KCTD8: variants seen among roughly 807,000 people sequenced by gnomAD.
KCTD8 encodes potassium channel tetramerization domain containing 8.
A neutral mutation model predicts 31.5 loss-of-function variants in KCTD8; 27 were observed. The observed-to-expected ratio is 0.86, with a 90% CI of 0.63 to 1.18. The LOEUF (loss-of-function observed/expected upper bound fraction) is 1.18, where lower values mean the gene tolerates loss of function less well. Among genes scored for constraint, KCTD8 ranks in the 50% most tolerant of loss-of-function variants. The probability of loss-of-function intolerance (pLI) is 0.00; values close to 1 mark genes in which losing one functional copy is unlikely to be tolerated. For synonymous variants in KCTD8, 290 were observed against 280.0 expected (o/e 1.04, Z -0.36); for missense variants, 658 against 647.7 (o/e 1.02, Z -0.17).
chr4:44,295,301 TA>T (rs887397866), intron 1 of KCTD8, among the ~76,000 whole-genome samples: 3 of 151,900 alleles, frequency 2.0e-5, no homozygotes, highest in Non-Finnish European at 4.4e-5. Flanking sequence ...TCTCAAAAAA[TA>T]AAAATAAAAA....
At chr4:44,376,901 T>C (rs1409280255) in intron 1 of KCTD8, among the ~76,000 whole-genome samples, 2 of 152,148 alleles carry the variant, frequency 1.3e-5, no homozygotes, top group Admixed American at 6.5e-5. Context: ...TGGAAAGATG[T>C]AGAATATCTG....
chr4:44,266,671 T>G (rs201480718), intron 1 of KCTD8, among the ~76,000 whole-genome samples: 79,076 of 147,674 alleles, frequency 0.54, 21,660 homozygotes, highest in African/African-American at 0.71. Context: ...GAGACACACA[T>G]AGGCTCAAAA....
At position 44,286,534 on chromosome 4, in the gene KCTD8, A is replaced by G. The variant is rs775384744; in HGVS notation, c.962-111284T>C. ...CACCACCTTGTTTCTCACTTATACA[A>G]ATGCAATAGTCTCCTAACAGATAAG... On this transcript the variant is annotated intron_variant, in intron 1 of 1. Coordinates refer to ENST00000360029, the MANE Select transcript of KCTD8 (RefSeq NM_198353.3). 2.0e-5 allele frequency among the ~76,000 whole-genome samples: 3 copies of G among 152,114 alleles called. No individual in the cohort carries two copies. The South Asian group carries it at 6.2e-4, about 31-fold the overall frequency.
At chr4:44,182,194 C>T (rs539947306) in intron 1 of KCTD8, among the ~76,000 whole-genome samples, 19 of 151,692 alleles carry the variant, frequency 1.3e-4, no homozygotes, top group East Asian at 3.9e-4. Flanking sequence ...CCTGGCCGGC[C>T]GACCCGTCCG....
intron 1 of KCTD8, among the ~76,000 whole-genome samples, chr4:44,230,270 T>C (rs1715085173): frequency 3.3e-5 from 5 of 152,218 alleles, no homozygotes; most frequent in Admixed American, 3.3e-4. Flanking sequence ...AAAGTATTCA[T>C]TCCTATATAG....
At chr4:44,202,589 GA>G (rs1714183211) in intron 1 of KCTD8, among the ~76,000 whole-genome samples, 1 of 151,968 alleles carries the variant, frequency 6.6e-6, no homozygotes, top group African/African-American at 2.4e-5. Flanking sequence ...AATACATATG[GA>G]AAAAAGATAA....
chr4:44,247,187 G>A (rs1484357837), intron 1 of KCTD8, among the ~76,000 whole-genome samples: 2 of 151,754 alleles, frequency 1.3e-5, no homozygotes, highest in Admixed American at 6.6e-5. Context: ...CAATACTTCT[G>A]CCTAGCACCT....
At chr4:44,218,662 C>T (rs1191024992) in intron 1 of KCTD8, among the ~76,000 whole-genome samples, 5 of 151,030 alleles carry the variant, frequency 3.3e-5, no homozygotes, top group Non-Finnish European at 5.9e-5. Flanking sequence ...AAAAATGTGG[C>T]GTTCCAAAAT....
intron 1 of KCTD8, among the ~76,000 whole-genome samples, chr4:44,359,011 G>T (rs1039353891): frequency 1.6e-4 from 24 of 151,954 alleles, no homozygotes; most frequent in Admixed American, 1.0e-3. Flanking sequence ...CCATTTTGAT[G>T]GGTTTGTTTT....
chr4:44,365,025 A>T (rs1423855333), intron 1 of KCTD8, among the ~76,000 whole-genome samples: 1 of 152,168 alleles, frequency 6.6e-6, no homozygotes, highest in African/African-American at 2.4e-5. Context: ...CAAAAACCAT[A>T]GAATGTACAA....
At chr4:44,199,591 AT>A (rs1714070539) in intron 1 of KCTD8, among the ~76,000 whole-genome samples, 1 of 152,088 alleles carries the variant, frequency 6.6e-6, no homozygotes, top group South Asian at 2.1e-4. Context: ...AGATCAAAAC[AT>A]TTTTTGAAAT....
intron 1 of KCTD8, among the ~76,000 whole-genome samples, chr4:44,440,466 T>C (rs1169078681): frequency 6.6e-6 from 1 of 152,228 alleles, no homozygotes; most frequent in Non-Finnish European, 1.5e-5. Flanking sequence ...TTCACAATTA[T>C]ATAAAGTTTA....
intron 1 of KCTD8, among the ~76,000 whole-genome samples, chr4:44,218,121 G>A (rs1014942087): frequency 2.2e-5 from 3 of 134,894 alleles, no homozygotes; most frequent in African/African-American, 8.6e-5. Context: ...ATTTTAAAAT[G>A]TCCTTTTTTT....
chr4:44,350,978 G>A (rs1719180485), intron 1 of KCTD8, among the ~76,000 whole-genome samples: 1 of 152,072 alleles, frequency 6.6e-6, no homozygotes, highest in African/African-American at 2.4e-5. Flanking sequence ...GGATGTCTCA[G>A]GGTAGATTCC....
chr4:44,346,361 C>A (rs1719037022), intron 1 of KCTD8, among the ~76,000 whole-genome samples: 1 of 151,902 alleles, frequency 6.6e-6, no homozygotes, highest in Non-Finnish European at 1.5e-5. Flanking sequence ...ATTTTATATC[C>A]TCACATTCTT....
chr4:44,254,072 G>A (rs1450198843), intron 1 of KCTD8, among the ~76,000 whole-genome samples: 1 of 151,882 alleles, frequency 6.6e-6, no homozygotes, highest in South Asian at 2.1e-4. Context: ...GAAAATAGAA[G>A]ATATATTTAT....
At chr4:44,385,400 C>T (rs1464049975) in intron 1 of KCTD8, among the ~76,000 whole-genome samples, 1 of 151,682 alleles carries the variant, frequency 6.6e-6, no homozygotes, top group Non-Finnish European at 1.5e-5. Context: ...TAAACCCTTA[C>T]TTATACGGTA....
chr4:44,295,696 G>C (rs1287606503), intron 1 of KCTD8, among the ~76,000 whole-genome samples: 1 of 152,066 alleles, frequency 6.6e-6, no homozygotes, highest in Non-Finnish European at 1.5e-5. Context: ...TAGAGGCTTA[G>C]AAGTCCAAGA....
At chr4:44,438,365 G>A (rs1560455054) in intron 1 of KCTD8, among the ~76,000 whole-genome samples, 1 of 152,152 alleles carries the variant, frequency 6.6e-6, no homozygotes, top group South Asian at 2.1e-4. Context: ...CTGGCTCTGT[G>A]ACAATTTGTC....
Sources: allele counts gnomAD v4.1 joint callset (sites outside exome capture counted in the v4.1 genomes callset), GRCh38; gene constraint gnomAD v4.1.1; transcripts MANE v1.5; gene names NCBI Gene and HGNC (gene_info 2026-07-23, HGNC 2026-07-21).